GRAMD2B: variants seen among roughly 807,000 people sequenced by gnomAD.
GRAMD2B encodes GRAM domain containing 2B.
In GRAMD2B, 41 loss-of-function variants were observed where a neutral mutation model predicts 59.2. The observed-to-expected ratio is 0.69, with a 90% CI of 0.54 to 0.90. The LOEUF is 0.90. Ranked by LOEUF, GRAMD2B falls within the 40% of genes least tolerant of loss-of-function variation. The probability of loss-of-function intolerance (pLI) is 0.00; values close to 1 mark genes in which losing one functional copy is unlikely to be tolerated. For missense variants in GRAMD2B, 424 were observed against 500.5 expected (o/e 0.85, Z 1.46); for synonymous variants, 161 against 182.7 (o/e 0.88, Z 0.96).
At chr5:126,447,828 G>A (rs1302784955) in intron 1 of GRAMD2B, among the ~76,000 whole-genome samples, 1 of 151,982 alleles carries the variant, frequency 6.6e-6, no homozygotes, top group Non-Finnish European at 1.5e-5. Flanking sequence ...GGTCAAAGCA[G>A]GGCAAAGACA....
chr5:126,493,057 C>CAA lies in GRAMD2B; in HGVS notation c.*102_*103dup. On this transcript the variant is annotated 3_prime_UTR_variant, in exon 14 of 14. Coordinates refer to ENST00000285689, the MANE Select transcript of GRAMD2B (RefSeq NM_023927.4). ...GAGTGCACCCTGCTGGTCAGAGGTG[C>CAA]AAGCAGATGAGAATCCAGACATTGC... The CAA allele has an allele frequency of 1.2e-6, 1 of 821,038 alleles. No individual in the cohort carries two copies. The highest frequency in any genetic ancestry group is 1.5e-5 in the South Asian group (1 of 66,486). 50.9% of individuals were successfully genotyped at this position (821,038 alleles called of 1,614,324 possible). A position where few individuals can be genotyped will look rare whatever the true frequency, so the allele number is the denominator to read the frequency against.
chr5:126,475,649 G>C (rs911950138), intron 5 of GRAMD2B, among the ~76,000 whole-genome samples: 7 of 152,172 alleles, frequency 4.6e-5, no homozygotes, highest in Admixed American at 1.3e-4. Flanking sequence ...ACCCAGATGT[G>C]AATGCAAATA....
At chr5:126,430,889 T>A (rs954990996) in intron 1 of GRAMD2B, among the ~76,000 whole-genome samples, 1 of 152,236 alleles carries the variant, frequency 6.6e-6, no homozygotes, top group Non-Finnish European at 1.5e-5. Context: ...ACTTGGGTAC[T>A]TTTGTTTATG....
intron 8 of GRAMD2B, 144 bp from the exon 9 acceptor site, chr5:126,483,319 G>A (rs1454476690): frequency 6.9e-6 from 3 of 433,936 alleles, no homozygotes; most frequent in Middle Eastern, 3.1e-4. Context: ...TCATCTGTTG[G>A]GAAAATCCCA....
intron 1 of GRAMD2B, among the ~76,000 whole-genome samples, chr5:126,365,692 T>C (rs2149685391): frequency 6.6e-6 from 1 of 151,822 alleles, no homozygotes; most frequent in South Asian, 2.1e-4. Context: ...TGGCCAGTGC[T>C]ACAAATCAGA....
upstream of GRAMD2B, among the ~76,000 whole-genome samples, chr5:126,369,270 T>TTGAATGAATGAA (rs33935788): frequency 6.6e-6 from 1 of 151,388 alleles, no homozygotes; most frequent in African/African-American, 2.4e-5. Context: ...TAAATACTTG[T>TTGAATGAATGAA]TGAATGAATG....
At chr5:126,481,927 C>T (rs4620021) in intron 8 of GRAMD2B, among the ~76,000 whole-genome samples, 39,278 of 149,690 alleles carry the variant, frequency 0.26, 5,431 homozygotes, top group African/African-American at 0.28. Flanking sequence ...GAGATCACGC[C>T]GCTGTACTCC....
At chr5:126,491,214 C>A (rs746702290) in intron 13 of GRAMD2B, among the ~76,000 whole-genome samples, 1 of 152,008 alleles carries the variant, frequency 6.6e-6, no homozygotes, top group South Asian at 2.1e-4. Flanking sequence ...GATGTCAGTT[C>A]TTTGTTTTAT....
intron 1 of GRAMD2B, among the ~76,000 whole-genome samples, chr5:126,413,832 C>G (rs1291308632): frequency 6.6e-6 from 1 of 152,048 alleles, no homozygotes; most frequent in Admixed American, 6.6e-5. Flanking sequence ...TTGAATTGAA[C>G]TTTTTATCCC....
chr5:126,377,553 T>A (rs1163200630), intron 1 of GRAMD2B, among the ~76,000 whole-genome samples: 1 of 152,248 alleles, frequency 6.6e-6, no homozygotes, highest in Non-Finnish European at 1.5e-5. Context: ...CAGTCAGATA[T>A]GTAGCCAAAG....
chr5:126,389,478 A>C (rs1378764105), intron 1 of GRAMD2B, among the ~76,000 whole-genome samples: 1 of 152,168 alleles, frequency 6.6e-6, no homozygotes, highest in African/African-American at 2.4e-5. Context: ...TCATCCCTGT[A>C]TCCTCCTAAG....
At chr5:126,421,071 G>A (rs1759677527), upstream of GRAMD2B, among the ~76,000 whole-genome samples, 1 of 152,220 alleles carries the variant, frequency 6.6e-6, no homozygotes. Context: ...GAGGCTACCA[G>A]AGGCTGGGAG....
At chr5:126,473,792 C>T (rs1019212115) in intron 5 of GRAMD2B, among the ~76,000 whole-genome samples, 2 of 152,080 alleles carry the variant, frequency 1.3e-5, no homozygotes, top group Admixed American at 6.6e-5. Flanking sequence ...ACCAGTGATG[C>T]GTAGGACAGC....
At chr5:126,464,829 T>A (rs1461774968) in intron 1 of GRAMD2B, among the ~76,000 whole-genome samples, 3 of 152,090 alleles carry the variant, frequency 2.0e-5, no homozygotes, top group African/African-American at 7.2e-5. Context: ...TAAGTTTGAA[T>A]CTCAAGTAAG....
chr5:126,427,533 C>T (rs1462127059), intron 1 of GRAMD2B, among the ~76,000 whole-genome samples: 1 of 152,082 alleles, frequency 6.6e-6, no homozygotes, highest in East Asian at 1.9e-4. Flanking sequence ...GAAATATGTC[C>T]AACTCCATAC....
rs761249737 is a variant in GRAMD2B at position 126,483,520 on chromosome 5, A to G, written c.793A>G (p.Met265Val). The stretch of plus-strand genomic sequence containing the variant: ...AGTGGTTCAACAAAGAAGGCAAGAC[A>G]TGGAAGGATATAGCAGTTCTGGTTC... ...DGVVQQRRQDMEGYSSSGSQT... is the reference protein window; with the variant it reads ...DGVVQQRRQDVEGYSSSGSQT... Residue 265 changes from methionine to valine, a missense_variant, in exon 9 of 14, where the codon ATG (methionine) becomes GTG (valine). Transcript: ENST00000285689. The G allele has an allele frequency of 2.5e-6, 4 of 1,613,214 alleles. No individual in the cohort carries two copies. The highest frequency in any genetic ancestry group is 3.4e-6 in the Non-Finnish European group (4 of 1,179,314).
At position 126,380,101 on chromosome 5, in the gene GRAMD2B, G is replaced by A. The variant is rs544984232; in HGVS notation, c.125+8534G>A. Among the ~76,000 whole-genome samples the A allele has an allele frequency of 4.2e-4, 64 of 152,178 alleles. 1 individual carries two copies. In the South Asian group the frequency reaches 5.2e-3, roughly 12 times the overall value. On this transcript the variant is annotated intron_variant, in intron 1 of 8. Coordinates refer to the GRAMD2B transcript ENST00000506445. ...ATTTTTATATAAGGTGGGAGATGAC[G>A]ATACAGTTTCATTCTTCTGCATGTG...
At chr5:126,400,032 G>T (rs531501657) in intron 1 of GRAMD2B, among the ~76,000 whole-genome samples, 13 of 150,640 alleles carry the variant, frequency 8.6e-5, no homozygotes, top group Non-Finnish European at 1.6e-4. Context: ...CTGTTTTATG[G>T]TTCCTTTGTT....
intron 1 of GRAMD2B, among the ~76,000 whole-genome samples, chr5:126,412,545 A>T (rs12054973): frequency 0.28 from 42,914 of 151,938 alleles, 6,501 homozygotes; most frequent in East Asian, 0.48. Context: ...ATCTATGTTC[A>T]TCAGGGATAT....
Sources: gnomAD v4.1 joint callset for allele counts (sites outside exome capture counted in the v4.1 genomes callset) on GRCh38, gnomAD v4.1.1 for gene constraint, MANE v1.5 for transcripts, NCBI Gene and HGNC (gene_info 2026-07-23, HGNC 2026-07-21) for gene names.